The following GMPR2 variants were observed in gnomAD, a reference collection of about 807,000 sequenced individuals.
The protein encoded by GMPR2 is guanosine monophosphate reductase 2.
GMPR2 carries 32 observed loss-of-function variants against 38.5 expected under a neutral mutation model. The observed-to-expected ratio is 0.83, with a 90% confidence interval of 0.63 to 1.12. The LOEUF is 1.12. Among genes scored for constraint, GMPR2 ranks in the 50% most tolerant of loss-of-function variants. The probability of loss-of-function intolerance (pLI) is 0.00; values close to 1 mark genes in which losing one functional copy is unlikely to be tolerated. For missense variants in GMPR2, 396 were observed against 432.1 expected (o/e 0.92, Z 0.74); for synonymous variants, 154 against 151.0 (o/e 1.02, Z -0.15).
chr14:24,237,223 AC>A (rs2040387685), intron 6 of GMPR2, 21 bp from the exon 7 acceptor site: 1 of 1,569,714 alleles, frequency 6.4e-7, no homozygotes. Flanking sequence ...CGTCATTCTT[AC>A]CCTTATCATG....
chr14:24,237,458 T>TTAC, intron 7 of GMPR2, 62 bp from the exon 8 acceptor site: 1 of 1,570,122 alleles, frequency 6.4e-7, no homozygotes, highest in Non-Finnish European at 8.8e-7. Context: ...AGTTGGGCTG[T>TTAC]TGGGACATCG....
chr14:24,233,833 G>A lies in GMPR2; in HGVS notation c.207+235G>A, dbSNP rs1387227252. On this transcript the variant is annotated intron_variant, in intron 3 of 9. Coordinates refer to ENST00000399440, the MANE Select transcript of GMPR2 (RefSeq NM_001002002.3). ...CTCCGATATTTCTGATATATGAACA[G>A]AATTTTCCCTTTTGTCCTGTTTAGC... The A allele has an allele frequency of 9.8e-6, 6 of 613,586 alleles. No individual in the cohort carries two copies. The East Asian group carries it at 1.8e-4, about 18-fold the overall frequency. The allele number at this position is 613,586 out of a possible 1,614,324, so 38.0% of individuals were successfully genotyped here.
Position 24,235,955 on chromosome 14 carries a change from T to C in GMPR2, c.292-12T>C. The C allele has an allele frequency of 6.2e-7, 1 of 1,613,610 alleles. No individual in the cohort carries two copies. The highest frequency in any genetic ancestry group is 8.5e-7 in the Non-Finnish European group (1 of 1,179,584). On this transcript the variant is annotated splice_polypyrimidine_tract_variant and intron_variant, in intron 4 of 9. Transcript: ENST00000399440. ...CATCTCTGATATGCCAATGACTCTG[T>C]TTCTCCCACAGCATCTGGCTGCCAG...
At chr14:24,236,210 T>C in intron 5 of GMPR2, 70 bp downstream of exon 5, 1 of 1,056,132 alleles carries the variant, frequency 9.5e-7, no homozygotes, top group Non-Finnish European at 1.5e-6. Context: ...GCTACATCAG[T>C]CCATTTCTCC....
chr14:24,239,147 C>G lies in GMPR2; in HGVS notation c.*369C>G. On this transcript the variant is annotated 3_prime_UTR_variant, in exon 10 of 10. Coordinates refer to ENST00000399440, the MANE Select transcript of GMPR2 (RefSeq NM_001002002.3). ...GCTTTTAGAATCATGTTTTGTTAAT[C>G]CGCTTCACTAAATTGGACCTTCACA... is the stretch of plus-strand genomic sequence containing the variant. 1.3e-5 allele frequency: 5 copies of G among 387,428 alleles called. 1 individual carries two copies. The highest frequency in any genetic ancestry group is 2.0e-5 in the South Asian group (1 of 50,182). The allele number at this position is 387,428 out of a possible 1,614,324, so 24.0% of individuals were successfully genotyped here.
chr14:24,237,226 C>A lies in GMPR2; in HGVS notation c.548-19C>A. ...ACCTGTGGAGCACGTCATTCTTACCCTTATCATGTTCTTCCTAGGCTCTGT... is the reference window on the plus strand; with the variant it reads ...ACCTGTGGAGCACGTCATTCTTACCATTATCATGTTCTTCCTAGGCTCTGT... On this transcript the variant is annotated intron_variant, in intron 6 of 9. Transcript: ENST00000399440. 6.3e-7 allele frequency: 1 copy of A among 1,576,058 alleles called. No homozygotes were observed.
Position 24,233,227 on chromosome 14 carries a change from T to G in GMPR2, c.-27T>G. ...GACTTCCTGCCTTCCAGCCCTCAGA[T>G]TCATCGCTACCCCGAGGCTAAGCGC... On this transcript the variant is annotated 5_prime_UTR_variant, in exon 2 of 10. Coordinates refer to ENST00000399440, the MANE Select transcript of GMPR2 (RefSeq NM_001002002.3). The G allele has an allele frequency of 6.2e-7, 1 of 1,613,746 alleles. No homozygotes were observed. The highest frequency in any genetic ancestry group is 1.7e-4 in the Middle Eastern group (1 of 5,722).
At chr14:24,233,389 G>A (rs745515652) in intron 2 of GMPR2, 49 bp downstream of exon 2, 1 of 1,610,256 alleles carries the variant, frequency 6.2e-7, no homozygotes, top group Non-Finnish European at 8.5e-7. Flanking sequence ...GCTCCCGGTG[G>A]GCCACAACCA....
chr14:24,233,448 G>A, intron 2 of GMPR2, 31 bp from the exon 3 acceptor site: 1 of 1,608,848 alleles, frequency 6.2e-7, no homozygotes, highest in Non-Finnish European at 8.5e-7. Flanking sequence ...TTGGATTAAT[G>A]AAATGGTCAA....
chr14:24,233,425 T>C (rs1281709371), intron 2 of GMPR2, 54 bp from the exon 3 acceptor site: 1 of 1,609,070 alleles, frequency 6.2e-7, no homozygotes, highest in Non-Finnish European at 8.5e-7. Context: ...CTTGTCCTAA[T>C]ATGGTACGTT....
chr14:24,237,263 G>A lies in GMPR2; in HGVS notation c.566G>A (p.Arg189Gln), dbSNP rs1394409265. 4.3e-6 allele frequency: 7 copies of A among 1,609,912 alleles called. No homozygotes were observed. The highest frequency in any genetic ancestry group is 1.3e-5 in the African/African-American group (1 of 74,822). The stretch of plus-strand genomic sequence containing the variant: ...TTCCTAGGCTCTGTGTGTACTACTC[G>A]GAAGAAAACTGGAGTGGGGTATCCA... Reference protein sequence around the residue: ...GIGPGSVCTTRKKTGVGYPQL... With the variant: ...GIGPGSVCTTQKKTGVGYPQL... The change falls in exon 7 of 10, where the codon CGG becomes CAG. Residue 189 changes from arginine (R) to glutamine (Q), a missense_variant. Transcript: ENST00000399440.
Position 24,237,062 on chromosome 14 carries a change from C to G in GMPR2, c.466-9C>G, listed in dbSNP as rs146040237. 3.7e-6 allele frequency: 6 copies of G among 1,605,818 alleles called. No homozygotes were observed. Among genetic ancestry groups the G allele is most frequent in the African/African-American group, 1.3e-5 (1 of 74,784 alleles). ...CTAAGGATGCTGTATTTCAATTGCT[C>G]TGTCTCAGGCAGGGAATGTGGTAAC... On this transcript the variant is annotated splice_polypyrimidine_tract_variant and intron_variant, in intron 5 of 9. Transcript: ENST00000399440.
In GMPR2 at chr14:24,237,230, T is replaced by C. The variant is rs754993644; in HGVS notation, c.548-15T>C. ...GTGGAGCACGTCATTCTTACCCTTATCATGTTCTTCCTAGGCTCTGTGTGT... is the reference window on the plus strand; with the variant it reads ...GTGGAGCACGTCATTCTTACCCTTACCATGTTCTTCCTAGGCTCTGTGTGT... On this transcript the variant is annotated splice_polypyrimidine_tract_variant and intron_variant, in intron 6 of 9. Coordinates refer to ENST00000399440, the MANE Select transcript of GMPR2 (RefSeq NM_001002002.3). The C allele has an allele frequency of 4.3e-5, 68 of 1,582,722 alleles. 1 individual carries two copies. Among genetic ancestry groups the C allele is most frequent in the Non-Finnish European group, 5.3e-5 (61 of 1,151,446 alleles).
Position 24,238,662 on chromosome 14 carries a change from G to A in GMPR2, c.931G>A (p.Gly311Arg), listed in dbSNP as rs900689207. Residue 311 changes from glycine to arginine, a missense_variant, in exon 10 of 10, where the codon GGG (glycine) becomes AGG (arginine). Gly to Arg is a moderately radical substitution (Grantham distance 125). Coordinates refer to ENST00000399440, the MANE Select transcript of GMPR2 (RefSeq NM_001002002.3). ...ACATACCATCCGAGACATCCTAGGAGGGATCCGCTCTACGTGTACCTATGT... is the reference window on the plus strand; with the variant it reads ...ACATACCATCCGAGACATCCTAGGAAGGATCCGCTCTACGTGTACCTATGT... ...VEHTIRDILG[G>R]IRSTCTYVGA... 5 of 1,613,968 alleles carry A rather than the reference G, an allele frequency of 3.1e-6. No individual in the cohort carries two copies. The highest frequency in any genetic ancestry group is 4.2e-6 in the Non-Finnish European group (5 of 1,179,910).
upstream of GMPR2, chr14:24,232,663 G>A (rs1566674704): frequency 1.8e-5 from 5 of 274,412 alleles, no homozygotes; most frequent in African/African-American, 4.4e-5. Context: ...CTCAGTGCGT[G>A]AACTCTGTTA....
intron 5 of GMPR2, among the ~76,000 whole-genome samples, chr14:24,236,746 T>C (rs1286246980): frequency 6.6e-6 from 1 of 152,210 alleles, no homozygotes; most frequent in African/African-American, 2.4e-5. Context: ...CCTCACTGAA[T>C]GCTCCTCCAT....
chr14:24,234,469 C>T (rs1445055102), intron 3 of GMPR2, among the ~76,000 whole-genome samples: 1 of 152,160 alleles, frequency 6.6e-6, no homozygotes, highest in Non-Finnish European at 1.5e-5. Flanking sequence ...TCAGTAACTG[C>T]TTAGGAATCT....
intron 8 of GMPR2, chr14:24,237,801 G>T (rs1594537081): frequency 5.3e-6 from 3 of 563,408 alleles, no homozygotes; most frequent in Admixed American, 6.5e-5. Flanking sequence ...AGACTCCTGA[G>T]CCCCAGCCAT....
intron 8 of GMPR2, 82 bp from the exon 9 acceptor site, chr14:24,238,164 T>G: frequency 8.2e-7 from 1 of 1,221,284 alleles, no homozygotes; most frequent in Non-Finnish European, 1.2e-6. Context: ...GGACTGAGAA[T>G]ATGGTGTGAG....
Sources: gnomAD v4.1 joint callset for allele counts (sites outside exome capture counted in the v4.1 genomes callset) on GRCh38, gnomAD v4.1.1 for gene constraint, MANE v1.5 for transcripts, NCBI Gene and HGNC (gene_info 2026-07-23, HGNC 2026-07-21) for gene names.